The following KCNU1 variants were observed in gnomAD, a reference collection of about 807,000 sequenced individuals.
The protein encoded by KCNU1 is potassium calcium-activated channel subfamily U member 1.
A neutral mutation model predicts 126.8 loss-of-function variants in KCNU1; 93 were observed. The observed-to-expected ratio is 0.73, with a 90% CI of 0.62 to 0.87. The LOEUF (loss-of-function observed/expected upper bound fraction) is 0.87, where lower values mean the gene tolerates loss of function less well. KCNU1 is among the 40% of genes least tolerant of loss of function. The pLI is 0.00. For synonymous variants in KCNU1, 523 were observed against 494.2 expected, an observed-to-expected ratio of 1.06 and a Z score of -0.77; for missense variants, 1,330 against 1,367.1, an observed-to-expected ratio of 0.97 and a Z score of 0.43.
intron 19 of KCNU1, among the ~76,000 whole-genome samples, chr8:36,890,359 T>A (rs1030058602): frequency 1.3e-4 from 20 of 151,976 alleles, no homozygotes; most frequent in Non-Finnish European, 2.9e-4. Flanking sequence ...AGCAGCATCA[T>A]AAGAGATGGA....
intron 16 of KCNU1, among the ~76,000 whole-genome samples, chr8:36,843,755 T>G (rs1434554378): frequency 6.6e-6 from 1 of 152,198 alleles, no homozygotes; most frequent in Non-Finnish European, 1.5e-5. Flanking sequence ...CTCTTCAAAT[T>G]GGCAAGCTTG....
Position 36,814,650 on chromosome 8 carries a change from A to G in KCNU1, c.903+273A>G, listed in dbSNP as rs532806227. On this transcript the variant is annotated intron_variant, in intron 8 of 26. Transcript: ENST00000399881. The stretch of plus-strand genomic sequence containing the variant: ...GCTCTACATTGATTTGAGAAAACCT[A>G]TCTTCCTTCATAGTTTGCCCATCAA... 2.0e-4 allele frequency among the ~76,000 whole-genome samples: 31 copies of G among 152,328 alleles called. No individual in the cohort carries two copies. The South Asian group carries it at 3.9e-3, about 19-fold the overall frequency.
At chr8:36,846,825 C>A (rs969931612) in intron 18 of KCNU1, among the ~76,000 whole-genome samples, 1 of 150,248 alleles carries the variant, frequency 6.7e-6, no homozygotes, top group East Asian at 2.0e-4. Flanking sequence ...TGTCCAGGTA[C>A]ATTCAGACTC....
intron 10 of KCNU1, among the ~76,000 whole-genome samples, chr8:36,822,178 T>C (rs559213218): frequency 3.2e-4 from 49 of 152,184 alleles, no homozygotes; most frequent in African/African-American, 1.1e-3. Context: ...AGCATCTGCT[T>C]TAGTATCTTG....
chr8:36,826,472 A>C (rs899372892), intron 10 of KCNU1, among the ~76,000 whole-genome samples: 1 of 152,116 alleles, frequency 6.6e-6, no homozygotes, highest in Non-Finnish European at 1.5e-5. Context: ...GGCCTCCCAA[A>C]GTGCTGGGAT....
chr8:36,901,090 A>G (rs1807400232), intron 19 of KCNU1, among the ~76,000 whole-genome samples: 1 of 152,070 alleles, frequency 6.6e-6, no homozygotes, highest in South Asian at 2.1e-4. Context: ...AGGGAATTGT[A>G]GAGGCTTTTT....
intron 20 of KCNU1, among the ~76,000 whole-genome samples, chr8:36,907,986 T>C (rs1807698857): frequency 6.6e-6 from 1 of 152,212 alleles, no homozygotes; most frequent in Non-Finnish European, 1.5e-5. Context: ...TCTTTGGTTT[T>C]TTTTTCCATT....
At chr8:36,830,261 G>A (rs1804484754) in intron 10 of KCNU1, among the ~76,000 whole-genome samples, 1 of 151,436 alleles carries the variant, frequency 6.6e-6, no homozygotes, top group South Asian at 2.1e-4. Flanking sequence ...CGTTGAAAAA[G>A]AGCAGTGATG....
At chr8:36,862,416 AT>A (rs1786865514) in intron 18 of KCNU1, among the ~76,000 whole-genome samples, 1 of 152,028 alleles carries the variant, frequency 6.6e-6, no homozygotes. Flanking sequence ...ACAATTTTCA[AT>A]TTCCTTTTTG....
At chr8:36,879,209 G>GTATATACATATATA (rs1429299814) in intron 19 of KCNU1, among the ~76,000 whole-genome samples, 1 of 86,690 alleles carries the variant, frequency 1.2e-5, no homozygotes, top group Non-Finnish European at 2.2e-5. Flanking sequence ...GTGTGTGTGT[G>GTATATACATATATA]TGTATATATA....
chr8:36,858,190 A>AG (rs1424560175), intron 18 of KCNU1, among the ~76,000 whole-genome samples: 1 of 151,576 alleles, frequency 6.6e-6, no homozygotes, highest in African/African-American at 2.4e-5. Context: ...AAAAAAAAAA[A>AG]AAAAAAAAAC....
intron 23 of KCNU1, among the ~76,000 whole-genome samples, chr8:36,920,196 C>T (rs1808288364): frequency 6.6e-6 from 1 of 152,132 alleles, no homozygotes; most frequent in African/African-American, 2.4e-5. Flanking sequence ...ACTCACTCTC[C>T]ACTCCTCCCC....
chr8:36,795,893 A>C (rs1413770652), intron 2 of KCNU1: 1 of 152,286 alleles, frequency 6.6e-6, no homozygotes, highest in East Asian at 1.9e-4. Context: ...AACTTAGCCC[A>C]GAGGCACAGG....
intron 2 of KCNU1, among the ~76,000 whole-genome samples, chr8:36,789,595 A>C (rs1432757405): frequency 1.3e-5 from 2 of 152,192 alleles, no homozygotes; most frequent in Admixed American, 6.5e-5. Flanking sequence ...TAAGAAACTT[A>C]AATTCTAGTG....
At chr8:36,927,025 C>T (rs957752322) in intron 24 of KCNU1, among the ~76,000 whole-genome samples, 2 of 152,110 alleles carry the variant, frequency 1.3e-5, no homozygotes, top group Admixed American at 6.6e-5. Flanking sequence ...TATACTCAGA[C>T]ACCTCCATAG....
intron 18 of KCNU1, among the ~76,000 whole-genome samples, chr8:36,851,899 C>A (rs919895879): frequency 2.0e-5 from 3 of 152,106 alleles, no homozygotes; most frequent in Non-Finnish European, 4.4e-5. Context: ...TGTGGCAGAA[C>A]CATCAGTACC....
chr8:36,922,740 G>C (rs1688971369), intron 24 of KCNU1, 111 bp downstream of exon 24: 3 of 1,151,000 alleles, frequency 2.6e-6, no homozygotes, highest in Non-Finnish European at 3.6e-6. Context: ...AGTTCTCTTT[G>C]ATTTTCAAAA....
At chr8:36,927,823 T>C (rs148634587) in intron 24 of KCNU1, among the ~76,000 whole-genome samples, 450 of 152,136 alleles carry the variant, frequency 3.0e-3, no homozygotes, top group Admixed American at 6.7e-3. Flanking sequence ...ATTAGAAACA[T>C]TGACCAAATT....
At chr8:36,843,560 A>G (rs1397586852) in intron 16 of KCNU1, among the ~76,000 whole-genome samples, 1 of 152,166 alleles carries the variant, frequency 6.6e-6, no homozygotes, top group Non-Finnish European at 1.5e-5. Flanking sequence ...ACAACACCCA[A>G]GTGGCAGAGC....
Sources: allele counts gnomAD v4.1 joint callset (sites outside exome capture counted in the v4.1 genomes callset), GRCh38; gene constraint gnomAD v4.1.1; transcripts MANE v1.5; gene names NCBI Gene and HGNC (gene_info 2026-07-23, HGNC 2026-07-21).